The following NAALAD2 variants were observed in gnomAD, a reference collection of about 807,000 sequenced individuals.
NAALAD2 encodes the protein N-acetylated alpha-linked acidic dipeptidase 2.
In NAALAD2, 89 loss-of-function variants were observed where a neutral mutation model predicts 95.6. That is an observed-to-expected ratio of 0.93 (90% CI 0.78 to 1.11). The LOEUF (loss-of-function observed/expected upper bound fraction) is 1.11, where lower values mean the gene tolerates loss of function less well. Among genes scored for constraint, NAALAD2 ranks in the 50% least tolerant of loss-of-function variants. The pLI is 0.00. For synonymous variants in NAALAD2, 264 were observed against 294.4 expected (o/e 0.90, Z 1.06); for missense variants, 894 against 872.4 (o/e 1.02, Z -0.31).
At chr11:90,133,439 C>T (rs1951384066), upstream of NAALAD2, among the ~76,000 whole-genome samples, 1 of 151,936 alleles carries the variant, frequency 6.6e-6, no homozygotes, top group Non-Finnish European at 1.5e-5. Flanking sequence ...CAATGGAAAG[C>T]TTCCCCTTCA....
At chr11:90,190,812 A>G (rs529643243) in intron 18 of NAALAD2, among the ~76,000 whole-genome samples, 4 of 152,262 alleles carry the variant, frequency 2.6e-5, no homozygotes, top group South Asian at 2.1e-4. Context: ...ATGGAGCTCT[A>G]TATTGCTTCA....
intron 2 of NAALAD2, among the ~76,000 whole-genome samples, chr11:90,144,042 A>G (rs1951686767): frequency 6.6e-6 from 1 of 152,166 alleles, no homozygotes; most frequent in South Asian, 2.1e-4. Flanking sequence ...TTAGTTCAAA[A>G]TGTCTGTTGT....
chr11:90,174,056 G>T, intron 14 of NAALAD2, 141 bp downstream of exon 14: 3 of 666,148 alleles, frequency 4.5e-6, no homozygotes, highest in South Asian at 3.8e-5. Context: ...TCCTGGCCGA[G>T]CCCAGTAGCT....
At chr11:90,150,773 T>C (rs10830422) in intron 5 of NAALAD2, among the ~76,000 whole-genome samples, 166 bp downstream of exon 5, 68,120 of 151,152 alleles carry the variant, frequency 0.45, 16,410 homozygotes, top group African/African-American at 0.62. Context: ...TATGTTTTCT[T>C]ACATACCTGG....
At position 90,155,691 on chromosome 11, in the gene NAALAD2, ACATATGTATGTATTATTAT is replaced by A. The variant is rs1323499366; in HGVS notation, c.797-2453_797-2435del. On this transcript the variant is annotated intron_variant, in intron 6 of 18. Coordinates refer to ENST00000534061, the MANE Select transcript of NAALAD2 (RefSeq NM_005467.4). Reference sequence around the variant, plus strand: ...TATTGTATGTATGTAATACATACATACATATGTATGTATTATTATTGTATGTATGTAATACATACATACA... The same window carrying A: ...TATTGTATGTATGTAATACATACATATGTATGTATGTAATACATACATACA... 4.7e-4 allele frequency among the ~76,000 whole-genome samples: 41 copies of A among 87,352 alleles called. 1 individual carries two copies. Among genetic ancestry groups the A allele is most frequent in the African/African-American group, 1.9e-3 (29 of 14,894 alleles). The allele number at this position is 87,352 out of a possible 152,430, so 57.3% of individuals were successfully genotyped here. A position where few individuals can be genotyped will look rare whatever the true frequency, so the allele number is the denominator to read the frequency against.
chr11:90,169,814 G>T, intron 12 of NAALAD2: 1 of 404,190 alleles, frequency 2.5e-6, no homozygotes, highest in Non-Finnish European at 4.4e-6. Context: ...CCATGAGAAT[G>T]ACCCTTATAA....
chr11:90,178,650 G>A (rs1451823514), intron 16 of NAALAD2, among the ~76,000 whole-genome samples: 20 of 148,976 alleles, frequency 1.3e-4, no homozygotes, highest in African/African-American at 4.4e-4. Context: ...CAGCCTGGGC[G>A]ACAGAGCAAG....
intron 14 of NAALAD2, among the ~76,000 whole-genome samples, 187 bp from the exon 15 acceptor site, chr11:90,175,785 C>T (rs1326422840): frequency 6.6e-6 from 1 of 152,138 alleles, no homozygotes; most frequent in African/African-American, 2.4e-5. Flanking sequence ...AATTTTACAG[C>T]AATTTTCCTG....
chr11:90,178,063 TA>T lies in NAALAD2; in HGVS notation c.1805del (p.Tyr602LeufsTer11). The T allele has an allele frequency of 6.8e-6, 11 of 1,613,666 alleles. No individual in the cohort carries two copies. The highest frequency in any genetic ancestry group is 9.3e-6 in the Non-Finnish European group (11 of 1,179,824). On this transcript the variant is annotated frameshift_variant, in exon 16 of 19. Coordinates refer to ENST00000534061, the MANE Select transcript of NAALAD2 (RefSeq NM_005467.4). LOFTEE classifies it high-confidence loss of function. The stretch of plus-strand genomic sequence containing the variant: ...TTTGAAAAACTATGCAGCAAGTATC[TA>T]TAATCTATCTAAGAAACATGATCAA... ...EALKNYAASI[Y>X]NLSKKHDQQL...
rs1952177880 is a variant in NAALAD2, at chr11:90,158,151, C to G, written c.803C>G (p.Thr268Ser). The change falls in exon 7 of 19, where the codon ACT (threonine) becomes AGT (serine). Residue 268 changes from threonine to serine, a missense_variant. By Grantham distance (58) the Thr-to-Ser change is moderately conservative (BLOSUM62 1). Coordinates refer to ENST00000534061, the MANE Select transcript of NAALAD2 (RefSeq NM_005467.4). Reference protein sequence around the residue: ...LTPGYPAKEYTFRLDVEEGVG... With the variant: ...LTPGYPAKEYSFRLDVEEGVG... The stretch of plus-strand genomic sequence containing the variant: ...ATGCATTTGATTTTTTTAGAATACA[C>G]TTTCAGACTTGATGTTGAAGAAGGA... The G allele has an allele frequency of 6.2e-7, 1 of 1,603,654 alleles. No individual in the cohort carries two copies. Among genetic ancestry groups the G allele is most frequent in the Non-Finnish European group, 8.5e-7 (1 of 1,172,840 alleles).
Position 90,152,444 on chromosome 11 carries a change from T to C in NAALAD2, c.756T>C (p.Asn252=). 1.2e-6 allele frequency: 2 copies of C among 1,613,680 alleles called. No individual in the cohort carries two copies. Among genetic ancestry groups the C allele is most frequent in the Admixed American group, 1.7e-5 (1 of 60,000 alleles). Residue 252 remains asparagine (N), a synonymous_variant, in exon 6 of 19, where the codon AAT becomes AAC. Coordinates refer to ENST00000534061, the MANE Select transcript of NAALAD2 (RefSeq NM_005467.4). ...AAQRGNVLNL[N]GAGDPLTPGY... Reference sequence around the variant, plus strand: ...AGAGAGGAAATGTGTTAAATTTGAATGGTGCTGGTGACCCACTCACTCCAG... The same window carrying C: ...AGAGAGGAAATGTGTTAAATTTGAACGGTGCTGGTGACCCACTCACTCCAG...
At chr11:90,149,897 T>C (rs1297239278) in intron 4 of NAALAD2, among the ~76,000 whole-genome samples, 1 of 152,176 alleles carries the variant, frequency 6.6e-6, no homozygotes, top group Non-Finnish European at 1.5e-5. Flanking sequence ...ATGACATTTA[T>C]TTACTCTATT....
chr11:90,147,453 C>T lies in NAALAD2; in HGVS notation c.318C>T (p.Leu106=). Residue 106 remains leucine, a synonymous_variant, in exon 3 of 19, where the codon CTC becomes CTT. Coordinates refer to ENST00000534061, the MANE Select transcript of NAALAD2 (RefSeq NM_005467.4). The part of the protein sequence containing the change: ...DSAKLVHYDV[L]LSYPNETNAN... The stretch of plus-strand genomic sequence containing the variant: ...CCAAGTTGGTTCATTATGATGTCCT[C>T]TTATCTTACCCCAATGAGACAAATG... 2 of 1,613,868 alleles carry T rather than the reference C, an allele frequency of 1.2e-6. No individual in the cohort carries two copies. Among genetic ancestry groups the T allele is most frequent in the South Asian group, 2.2e-5 (2 of 91,042 alleles).
intron 11 of NAALAD2, among the ~76,000 whole-genome samples, chr11:90,167,430 C>T (rs868667627): frequency 8.5e-5 from 13 of 152,162 alleles, no homozygotes; most frequent in African/African-American, 2.7e-4. Flanking sequence ...CCTGCGCCCC[C>T]GCCGCGGCCG....
chr11:90,179,200 T>A (rs1952893288), intron 16 of NAALAD2, among the ~76,000 whole-genome samples: 1 of 152,318 alleles, frequency 6.6e-6, no homozygotes, highest in East Asian at 1.9e-4. Context: ...ATTACAAACA[T>A]TGTCTTTTAT....
intron 17 of NAALAD2, 117 bp downstream of exon 17, chr11:90,181,818 T>C: frequency 1.5e-6 from 1 of 674,728 alleles, no homozygotes; most frequent in South Asian, 2.1e-5. Context: ...CAAATTATAG[T>C]CTGCAAATCA....
At chr11:90,154,998 T>C (rs1048893403) in intron 6 of NAALAD2, among the ~76,000 whole-genome samples, 5 of 54,604 alleles carry the variant, frequency 9.2e-5, no homozygotes, top group Non-Finnish European at 1.6e-4. Context: ...ATAATATGTA[T>C]GTGTGTATAT....
In NAALAD2 at chr11:90,167,614, T is replaced by C. The variant is rs184776385; in HGVS notation, c.1279-1315T>C. ...AAGCCAGCTGGGCTCCTGAGTCTGG[T>C]GGGGACTTGGAGAATCTTTATGTCT... On this transcript the variant is annotated intron_variant, in intron 11 of 18. Coordinates refer to ENST00000534061, the MANE Select transcript of NAALAD2 (RefSeq NM_005467.4). Among the ~76,000 whole-genome samples, 593 of 152,226 alleles carry C rather than the reference T, an allele frequency of 3.9e-3. 4 individuals carry two copies. The highest frequency in any genetic ancestry group is 0.013 in the African/African-American group (555 of 41,524).
chr11:90,134,632 G>A (rs548090553), upstream of NAALAD2: 4 of 805,990 alleles, frequency 5.0e-6, no homozygotes, highest in African/African-American at 3.4e-5. Flanking sequence ...GGGCGGAGGC[G>A]TGGCCTTGCG....
Sources: allele counts gnomAD v4.1 joint callset (sites outside exome capture counted in the v4.1 genomes callset), GRCh38; gene constraint gnomAD v4.1.1; transcripts MANE v1.5; gene names NCBI Gene and HGNC (gene_info 2026-07-23, HGNC 2026-07-21).